Variants in TMCO4 observed in about 807,000 individuals in gnomAD.
TMCO4 encodes transmembrane and coiled-coil domain-containing protein 4.
TMCO4 carries 58 observed loss-of-function variants against 64.7 expected under a neutral mutation model. The ratio of observed to expected loss-of-function variants is 0.90; its 90% CI spans 0.73 to 1.12. The LOEUF (loss-of-function observed/expected upper bound fraction) is 1.12, where lower values mean the gene tolerates loss of function less well. Among genes scored for constraint, TMCO4 ranks in the 50% most tolerant of loss-of-function variants. TMCO4 has a pLI of 0.00. For missense variants in TMCO4, 780 were observed against 825.9 expected (o/e 0.94, Z 0.68); for synonymous variants, 325 against 346.1 (o/e 0.94, Z 0.68).
At chr1:19,707,104 C>T (rs983750739) in intron 13 of TMCO4, among the ~76,000 whole-genome samples, 2 of 152,212 alleles carry the variant, frequency 1.3e-5, no homozygotes, top group Admixed American at 1.3e-4. Flanking sequence ...CGAAGCCCTG[C>T]CTGACCTTCC....
At chr1:19,771,594 C>T in intron 4 of TMCO4, 112 bp from the exon 5 acceptor site, 1 of 1,060,708 alleles carries the variant, frequency 9.4e-7, no homozygotes, top group East Asian at 2.6e-5. Flanking sequence ...GCCTGACTTA[C>T]TGACTGTGAT....
chr1:19,798,840 A>G (rs996581779), intron 1 of TMCO4, among the ~76,000 whole-genome samples: 1 of 152,210 alleles, frequency 6.6e-6, no homozygotes, highest in Non-Finnish European at 1.5e-5. Flanking sequence ...TAAACAATGC[A>G]CACAGTAGGT....
chr1:19,694,665 A>T, intron 14 of TMCO4, 114 bp from the exon 15 acceptor site: 1 of 902,892 alleles, frequency 1.1e-6, no homozygotes, highest in East Asian at 2.5e-5. Flanking sequence ...CTTCTGGGGG[A>T]AAACAGGGCC....
intron 13 of TMCO4, among the ~76,000 whole-genome samples, chr1:19,729,087 G>A (rs2095419696): frequency 6.6e-6 from 1 of 152,146 alleles, no homozygotes; most frequent in Admixed American, 6.5e-5. Context: ...CTAGGTACAA[G>A]TAGTCAGAAA....
At chr1:19,795,493 AT>A (rs1362693794) in intron 2 of TMCO4, among the ~76,000 whole-genome samples, 1 of 152,190 alleles carries the variant, frequency 6.6e-6, no homozygotes, top group Non-Finnish European at 1.5e-5. Context: ...TAAATAAAAA[AT>A]AAATTAAAAA....
At chr1:19,742,481 C>T (rs575867708) in intron 10 of TMCO4, among the ~76,000 whole-genome samples, 5 of 152,274 alleles carry the variant, frequency 3.3e-5, no homozygotes, top group South Asian at 2.1e-4. Context: ...GTACCACGTC[C>T]GCACAAGGAC....
chr1:19,777,412 A>G (rs984293522), intron 4 of TMCO4, among the ~76,000 whole-genome samples: 1 of 150,174 alleles, frequency 6.7e-6, no homozygotes, highest in Non-Finnish European at 1.5e-5. Flanking sequence ...CAGTGGCACG[A>G]TCACAGCTCA....
intron 10 of TMCO4, among the ~76,000 whole-genome samples, chr1:19,744,255 C>T (rs1402820007): frequency 1.3e-5 from 2 of 152,120 alleles, no homozygotes; most frequent in African/African-American, 4.8e-5. Context: ...GGTCAAGTAA[C>T]AAGTGGACCA....
At chr1:19,717,069 C>T (rs1446559876) in intron 13 of TMCO4, among the ~76,000 whole-genome samples, 4 of 152,086 alleles carry the variant, frequency 2.6e-5, no homozygotes, top group African/African-American at 9.7e-5. Context: ...GCCTGTAATC[C>T]CAACTACTTG....
intron 13 of TMCO4, among the ~76,000 whole-genome samples, chr1:19,725,827 C>T (rs528128549): frequency 6.6e-6 from 1 of 152,336 alleles, no homozygotes; most frequent in South Asian, 2.1e-4. Context: ...CGATCAAGCC[C>T]GATGGACAGT....
intron 3 of TMCO4, among the ~76,000 whole-genome samples, chr1:19,783,942 G>C (rs2043607273): frequency 6.6e-6 from 1 of 152,212 alleles, no homozygotes; most frequent in South Asian, 2.1e-4. Context: ...TCAGACCATG[G>C]TGGTGGGAAC....
In TMCO4 at chr1:19,799,001, G is replaced by C. The variant is rs10917544; in HGVS notation, c.-179-786C>G. 9.6e-3 allele frequency among the ~76,000 whole-genome samples: 1,456 copies of C among 152,318 alleles called. 15 individuals carry two copies. Among genetic ancestry groups the C allele is most frequent in the South Asian group, 0.024 (114 of 4,828 alleles). On this transcript the variant is annotated intron_variant, in intron 1 of 15. Coordinates refer to ENST00000294543, the MANE Select transcript of TMCO4 (RefSeq NM_181719.7). Reference sequence around the variant, plus strand: ...GGTAGTAGTCTGGGATTCTAGCCTGGCCCTGCTCCTAATTCCCAGTGCAAC... The same window carrying C: ...GGTAGTAGTCTGGGATTCTAGCCTGCCCCTGCTCCTAATTCCCAGTGCAAC...
chr1:19,778,027 C>A (rs958456205), intron 4 of TMCO4, among the ~76,000 whole-genome samples: 1 of 151,996 alleles, frequency 6.6e-6, no homozygotes, highest in African/African-American at 2.4e-5. Flanking sequence ...TGACTGAGAC[C>A]CCATCTCTAA....
At chr1:19,752,333 G>A (rs1360153144) in intron 7 of TMCO4, among the ~76,000 whole-genome samples, 1 of 152,184 alleles carries the variant, frequency 6.6e-6, no homozygotes, top group Non-Finnish European at 1.5e-5. Context: ...TCACGGTCAT[G>A]CTGAAAAGGC....
At chr1:19,722,696 C>T (rs535720130) in intron 13 of TMCO4, among the ~76,000 whole-genome samples, 2 of 152,218 alleles carry the variant, frequency 1.3e-5, no homozygotes, top group Admixed American at 1.3e-4. Flanking sequence ...GCTAGGGAGA[C>T]ACAGTCCTGG....
intron 15 of TMCO4, among the ~76,000 whole-genome samples, chr1:19,683,691 T>C (rs1331713107): frequency 6.6e-6 from 1 of 151,362 alleles, no homozygotes. Context: ...CTGGATCCTT[T>C]TGGGGCAGGA....
rs1372448738 is a variant in TMCO4 at position 19,747,223 on chromosome 1, T to C, written c.553A>G (p.Arg185Gly). Reference sequence around the variant, plus strand: ...ATCAGGAGATAACGCTTCCATTTCCTCCGGTTTTCTTTCTTCTTTCGGGAT... The same window carrying C: ...ATCAGGAGATAACGCTTCCATTTCCCCCGGTTTTCTTTCTTCTTTCGGGAT... Reference protein sequence around the residue: ...EASRKKKENRRKWKRYLLIGL... With the variant: ...EASRKKKENRGKWKRYLLIGL... Residue 185 changes from arginine (R) to glycine (G), a missense_variant, in exon 8 of 16, where the codon AGG (arginine) becomes GGG (glycine). Physicochemically the swap from Arg to Gly is moderately radical, Grantham distance 125. Transcript: ENST00000294543. 6.2e-7 allele frequency: 1 copy of C among 1,614,012 alleles called. No individual in the cohort carries two copies. Among genetic ancestry groups the C allele is most frequent in the East Asian group, 2.2e-5 (1 of 44,862 alleles).
chr1:19,770,174 G>A (rs1219432571), intron 6 of TMCO4, among the ~76,000 whole-genome samples: 2 of 152,350 alleles, frequency 1.3e-5, no homozygotes, highest in Non-Finnish European at 2.9e-5. Context: ...AGAGTGGGGA[G>A]AAAACTGCTG....
At chr1:19,782,538 C>T (rs2043539811) in intron 3 of TMCO4, among the ~76,000 whole-genome samples, 1 of 151,968 alleles carries the variant, frequency 6.6e-6, no homozygotes, top group Non-Finnish European at 1.5e-5. Flanking sequence ...GTATGGTATA[C>T]CTCAAAGGAA....
Sources: allele counts gnomAD v4.1 joint callset (sites outside exome capture counted in the v4.1 genomes callset), GRCh38; gene constraint gnomAD v4.1.1; transcripts MANE v1.5; gene names NCBI Gene and HGNC (gene_info 2026-07-23, HGNC 2026-07-21).